The following TCF20 variants were observed in gnomAD, a reference collection of about 807,000 sequenced individuals.
TCF20 encodes the protein transcription factor 20.
Under a neutral mutation model 148.6 loss-of-function variants are expected in TCF20, and 3 were observed. That is an observed-to-expected ratio of 0.02 (90% CI 0.01 to 0.05). The LOEUF (loss-of-function observed/expected upper bound fraction) is 0.05. TCF20 is among the 10% of genes least tolerant of loss of function. TCF20 has a pLI of 1.00. For synonymous variants in TCF20, 1,049 were observed against 909.5 expected (o/e 1.15, Z -2.76); for missense variants, 2,350 against 2,429.3 (o/e 0.97, Z 0.69).
upstream of TCF20, among the ~76,000 whole-genome samples, chr22:42,284,548 G>A (rs1331847272): frequency 6.6e-6 from 1 of 152,238 alleles, no homozygotes. Context: ...CCAGCAAAGT[G>A]GCCCAGAGCC....
At position 42,338,287 on chromosome 22, in the gene TCF20, C is replaced by T. The variant is rs1021403557; in HGVS notation, c.-37+5192G>A. Among the ~76,000 whole-genome samples, 1 of 152,216 alleles carries T rather than the reference C, an allele frequency of 6.6e-6. No individual in the cohort carries two copies. Among genetic ancestry groups the T allele is most frequent in the Non-Finnish European group, 1.5e-5 (1 of 68,036 alleles). On this transcript the variant is annotated intron_variant, in intron 1 of 1. Transcript: ENST00000515426. The surrounding 1 kb of genome is among the most constrained non-coding windows in gnomAD (Gnocchi z 4.0). ...AGAAACTTTTCGTCTGAATGGAGGT[C>T]GGCTGCACAGAGGAAACTACACGTG...
chr22:42,184,138 T>G (rs141177049), intron 2 of TCF20, among the ~76,000 whole-genome samples: 159 of 152,254 alleles, frequency 1.0e-3, no homozygotes, highest in African/African-American at 3.7e-3. Flanking sequence ...ACTAGGCAAA[T>G]TGTGACATCA....
In TCF20 at chr22:42,292,513, A is replaced by G. The variant is rs1045771707; in HGVS notation, c.-37+50966T>C. 5.9e-5 allele frequency among the ~76,000 whole-genome samples: 9 copies of G among 152,348 alleles called. No individual in the cohort carries two copies. The East Asian group carries it at 1.7e-3, about 29-fold the overall frequency. ...GAGGATAGGGACATAACAAGGGCTC[A>G]GCCTGGCCCTCAATGAGGTAACATC... On this transcript the variant is annotated intron_variant, in intron 1 of 1. Coordinates refer to the TCF20 transcript ENST00000515426. This position sits in a 1 kb window ranked among gnomAD's most constrained non-coding sequence, Gnocchi z 4.9.
rs555862581 is a variant in TCF20 at position 42,338,621 on chromosome 22, C to T, written c.-37+4858G>A. On this transcript the variant is annotated intron_variant, in intron 1 of 1. Transcript: ENST00000515426. This position sits in a 1 kb window ranked among gnomAD's most constrained non-coding sequence, Gnocchi z 4.0. Reference sequence around the variant, plus strand: ...ACTGCTAACGCGTTAGTGATTCCTGCCTGCTCGGGAAAGGCGGAGGCAGAC... The same window carrying T: ...ACTGCTAACGCGTTAGTGATTCCTGTCTGCTCGGGAAAGGCGGAGGCAGAC... Among the ~76,000 whole-genome samples, 1 of 152,330 alleles carries T rather than the reference C, an allele frequency of 6.6e-6. No individual in the cohort carries two copies. The highest frequency in any genetic ancestry group is 1.9e-4 in the East Asian group (1 of 5,184).
At chr22:42,321,311 G>A (rs1927729350) in intron 1 of TCF20, among the ~76,000 whole-genome samples, 2 of 152,192 alleles carry the variant, frequency 1.3e-5, no homozygotes, top group African/African-American at 4.8e-5. Flanking sequence ...CACAAGGGTG[G>A]CTCCAGCAGG....
intron 1 of TCF20, among the ~76,000 whole-genome samples, chr22:42,302,671 A>G (rs185665659): frequency 6.6e-6 from 1 of 152,356 alleles, no homozygotes; most frequent in East Asian, 1.9e-4. Context: ...GAAAGAAGGA[A>G]GAACAGAAAC....
At position 42,329,208 on chromosome 22, in the gene TCF20, T is replaced by C. The variant is rs540840076; in HGVS notation, c.-37+14271A>G. Reference sequence around the variant, plus strand: ...AGTCACACCAAGAAGTGATAAGGAGTCAGAAGAGCGGTGGGAATTCCTCCC... The same window carrying C: ...AGTCACACCAAGAAGTGATAAGGAGCCAGAAGAGCGGTGGGAATTCCTCCC... On this transcript the variant is annotated intron_variant, in intron 1 of 1. Transcript: ENST00000515426. 6.0e-5 allele frequency among the ~76,000 whole-genome samples: 9 copies of C among 151,154 alleles called. No individual in the cohort carries two copies. The East Asian group carries it at 1.8e-3, about 30-fold the overall frequency.
At chr22:42,258,730 T>C (rs1925874237) in intron 1 of TCF20, among the ~76,000 whole-genome samples, 1 of 152,186 alleles carries the variant, frequency 6.6e-6, no homozygotes, top group African/African-American at 2.4e-5. Flanking sequence ...TAGGCTCATG[T>C]AGGTAGGTGT....
At chr22:42,283,398 C>T (rs889105096) in intron 1 of TCF20, among the ~76,000 whole-genome samples, 3 of 151,324 alleles carry the variant, frequency 2.0e-5, no homozygotes, top group East Asian at 2.0e-4. Context: ...GGGACGGGGG[C>T]GCGGCTGGAT....
At position 42,213,246 on chromosome 22, in the gene TCF20, G is replaced by A. The variant is rs1316208192; in HGVS notation, c.2060C>T (p.Ala687Val). Residue 687 changes from alanine to valine, a missense_variant, in exon 2 of 6, where the codon GCA (alanine) becomes GTA (valine). By Grantham distance (64) the Ala-to-Val change is moderately conservative (BLOSUM62 0). This residue lies in a region of TCF20 where 1,641 missense variants were observed against 1,662.6 expected (regional missense o/e 0.99). Transcript: ENST00000677622. ...TCTGCTCGTAAAACCAGGGCCCGCT[G>A]CAGAGTGGCCACTCTGGCCATTTCC... ...GEGNGQSGHS[A>V]AGPGFTSRTE... 4 of 1,614,150 alleles carry A rather than the reference G, an allele frequency of 2.5e-6. No homozygotes were observed. Among genetic ancestry groups the A allele is most frequent in the Non-Finnish European group, 1.7e-6 (2 of 1,180,018 alleles).
chr22:42,248,537 T>C (rs1925105826), intron 1 of TCF20, among the ~76,000 whole-genome samples: 1 of 152,218 alleles, frequency 6.6e-6, no homozygotes, highest in Admixed American at 6.5e-5. Flanking sequence ...AGTGATTAAA[T>C]ATACATAGAA....
chr22:42,176,229 C>T (rs1936441225), intron 3 of TCF20, among the ~76,000 whole-genome samples: 1 of 152,206 alleles, frequency 6.6e-6, no homozygotes, highest in Admixed American at 6.5e-5. Flanking sequence ...ATCTTCTCTA[C>T]CTCTCTTGTT....
In TCF20 at chr22:42,167,889, AT is replaced by A. The variant is rs75936403; in HGVS notation, c.*44+719del. Reference sequence around the variant, plus strand: ...AGGCATGTACCACCACGCACGGCTAATTTTTTTTTTTTTTTTTAATGTAGAC... The same window carrying A: ...AGGCATGTACCACCACGCACGGCTAATTTTTTTTTTTTTTTTAATGTAGAC... On this transcript the variant is annotated intron_variant, in intron 5 of 5. Coordinates refer to ENST00000677622, the MANE Select transcript of TCF20 (RefSeq NM_001378418.1). 8.8e-3 allele frequency among the ~76,000 whole-genome samples: 1,233 copies of A among 140,226 alleles called. 1 individual carries two copies. Among genetic ancestry groups the A allele is most frequent in the African/African-American group, 9.3e-3 (353 of 37,938 alleles). The allele number at this position is 140,226 out of a possible 152,430, so 92.0% of individuals were successfully genotyped here.
At chr22:42,302,291 T>C (rs939045742) in intron 1 of TCF20, among the ~76,000 whole-genome samples, 1 of 147,098 alleles carries the variant, frequency 6.8e-6, no homozygotes, top group Admixed American at 7.0e-5. Context: ...CAGCTGGGGG[T>C]CTCTAGGACA....
Position 42,212,988 on chromosome 22 carries a change from T to C in TCF20, c.2318A>G (p.Gln773Arg). 1 of 1,614,164 alleles carries C rather than the reference T, an allele frequency of 6.2e-7. No homozygotes were observed. The highest frequency in any genetic ancestry group is 8.5e-7 in the Non-Finnish European group (1 of 1,180,022). The change falls in exon 2 of 6, where the codon CAA (glutamine) becomes CGA (arginine). Residue 773 changes from glutamine to arginine, a missense_variant. Around this residue, in one of 7 missense-constraint regions of TCF20, gnomAD observed 1,641 missense variants for 1,662.6 expected, o/e 0.99. Transcript: ENST00000677622. ...HPDRRYSRST[Q>R]EHQGMAGSLE... ...GCTACCAGCCATCCCCTGATGCTCT[T>C]GAGTACTCCTAGAATATCTCCTGTC... is the stretch of plus-strand genomic sequence containing the variant.
At chr22:42,309,160 A>G (rs917856572) in intron 1 of TCF20, among the ~76,000 whole-genome samples, 1 of 152,118 alleles carries the variant, frequency 6.6e-6, no homozygotes, top group African/African-American at 2.4e-5. Flanking sequence ...GAGACAGATA[A>G]GAGCGGAGCC....
chr22:42,213,194 A>G lies in TCF20; in HGVS notation c.2112T>C (p.Ser704=), dbSNP rs1921216081. ...AACTATCTTTGTAACTATAGCGCAGACTTCCAGGAGATTTGCTAGGCTCAG... is the reference window on the plus strand; with the variant it reads ...AACTATCTTTGTAACTATAGCGCAGGCTTCCAGGAGATTTGCTAGGCTCAG... The part of the protein sequence containing the change: ...SRTEPSKSPG[S]LRYSYKDSFG... The change falls in exon 2 of 6, where the codon AGT becomes AGC. Residue 704 remains serine, a synonymous_variant. Transcript: ENST00000677622. 3 of 1,614,170 alleles carry G rather than the reference A, an allele frequency of 1.9e-6. No individual in the cohort carries two copies. The highest frequency in any genetic ancestry group is 3.3e-5 in the Admixed American group (2 of 60,020).
intron 2 of TCF20, among the ~76,000 whole-genome samples, chr22:42,193,217 C>G (rs1216079844): frequency 6.6e-6 from 1 of 150,974 alleles, no homozygotes; most frequent in Non-Finnish European, 1.5e-5. Flanking sequence ...AAATAGAGAT[C>G]TGGAAGTAAT....
intron 2 of TCF20, among the ~76,000 whole-genome samples, chr22:42,196,921 T>C (rs1438455099): frequency 2.0e-5 from 3 of 152,246 alleles, no homozygotes; most frequent in Non-Finnish European, 4.4e-5. Context: ...TCTGCCTGTG[T>C]AGCAGTTCTT....
Sources: gnomAD v4.1 joint callset for allele counts (sites outside exome capture counted in the v4.1 genomes callset) on GRCh38, gnomAD v4.1.1 for gene constraint, gnomAD v4.1.1 regional missense constraint, Gnocchi (gnomAD v3.1) non-coding constraint, MANE v1.5 for transcripts, NCBI Gene and HGNC (gene_info 2026-07-23, HGNC 2026-07-21) for gene names.